Variants in SLC41A1 observed in about 807,000 individuals in gnomAD.
SLC41A1 encodes the protein solute carrier family 41 (magnesium transporter), member 1.
Under a neutral mutation model 47.3 loss-of-function variants are expected in SLC41A1, and 20 were observed. That is an observed-to-expected ratio of 0.42 (90% confidence interval 0.30 to 0.61). The LOEUF (loss-of-function observed/expected upper bound fraction) is 0.61, where lower values mean the gene tolerates loss of function less well. Ranked by LOEUF, SLC41A1 falls within the 20% of genes least tolerant of loss-of-function variation. SLC41A1 has a pLI of 0.17. For synonymous variants in SLC41A1, 282 were observed against 272.7 expected, an observed-to-expected ratio of 1.03 and a Z score of -0.34; for missense variants, 504 against 674.1, an observed-to-expected ratio of 0.75 and a Z score of 2.79.
chr1:205,810,591 C>T lies in SLC41A1; in HGVS notation c.-150G>A. 1 of 1,223,552 alleles carries T rather than the reference C, an allele frequency of 8.2e-7. No individual in the cohort carries two copies. The highest frequency in any genetic ancestry group is 2.0e-5 in the Admixed American group (1 of 49,778). 75.8% of individuals were successfully genotyped at this position (1,223,552 alleles called of 1,614,324 possible). ...CCCACGGCTCTCCACTCCTACCAGGCACTGCAAAAACTGATCCACCAACAG... is the reference window on the plus strand; with the variant it reads ...CCCACGGCTCTCCACTCCTACCAGGTACTGCAAAAACTGATCCACCAACAG... On this transcript the variant is annotated 5_prime_UTR_variant, in exon 2 of 11. Transcript: ENST00000367137. This position sits in a 1 kb window ranked among gnomAD's most constrained non-coding sequence, Gnocchi z 5.5.
rs140510407 is a variant in SLC41A1, at chr1:205,794,603, ACTACCACCC to A, written c.1356+258_1356+266del. Among the ~76,000 whole-genome samples the A allele has an allele frequency of 2.4e-3, 359 of 152,186 alleles. 1 individual carries two copies. Among genetic ancestry groups the A allele is most frequent in the African/African-American group, 8.1e-3 (337 of 41,516 alleles). ...GCATCCTACAACCACCTGCATGAAA[ACTACCACCC>A]CTGGTCCATTCCTCTCAATTTACAA... On this transcript the variant is annotated intron_variant, in intron 10 of 10. Coordinates refer to ENST00000367137, the MANE Select transcript of SLC41A1 (RefSeq NM_173854.6).
intron 3 of SLC41A1, among the ~76,000 whole-genome samples, chr1:205,800,678 G>A (rs1302868775): frequency 6.6e-6 from 1 of 152,206 alleles, no homozygotes; most frequent in African/African-American, 2.4e-5. Flanking sequence ...GTCACGAGGT[G>A]GTTGAGAGGT....
chr1:205,804,925 T>C (rs542867337), intron 2 of SLC41A1, among the ~76,000 whole-genome samples: 1 of 152,344 alleles, frequency 6.6e-6, no homozygotes, highest in Admixed American at 6.5e-5. Context: ...TTGTAATGAA[T>C]ATTGCTTGCT....
At chr1:205,798,202 C>A in intron 6 of SLC41A1, 151 bp from the exon 7 acceptor site, 1 of 1,252,466 alleles carries the variant, frequency 8.0e-7, no homozygotes, top group Non-Finnish European at 1.1e-6. Context: ...TCACTGGCAG[C>A]TCAGGAGGTA....
At chr1:205,812,058 C>T (rs578205087) in intron 1 of SLC41A1, among the ~76,000 whole-genome samples, 1 of 152,316 alleles carries the variant, frequency 6.6e-6, no homozygotes, top group East Asian at 1.9e-4. Flanking sequence ...TGCACTTGCT[C>T]CAAATGCATC....
chr1:205,803,839 T>A (rs1655948057), intron 2 of SLC41A1, among the ~76,000 whole-genome samples: 1 of 152,104 alleles, frequency 6.6e-6, no homozygotes, highest in South Asian at 2.1e-4. Context: ...CAGGCTGGTC[T>A]CGAACTCCTG....
At chr1:205,801,655 A>G (rs1399804079) in intron 2 of SLC41A1, among the ~76,000 whole-genome samples, 1 of 151,966 alleles carries the variant, frequency 6.6e-6, no homozygotes, top group Non-Finnish European at 1.5e-5. Context: ...GAGGCTTTTT[A>G]TTTCTCTGTG....
At chr1:205,802,117 A>T (rs1244429681) in intron 2 of SLC41A1, among the ~76,000 whole-genome samples, 1 of 152,158 alleles carries the variant, frequency 6.6e-6, no homozygotes, top group African/African-American at 2.4e-5. Context: ...TAAGAATGGA[A>T]AGCCTCCAGG....
At position 205,790,067 on chromosome 1, in the gene SLC41A1, G is replaced by A. The variant is rs1772159; in HGVS notation, c.*1466C>T. The A allele has an allele frequency of 0.27, 41,686 of 152,284 alleles. 7,687 individuals carry two copies. Among genetic ancestry groups the A allele is most frequent in the Non-Finnish European group, 0.4 (27,133 of 68,088 alleles). The allele number at this position is 152,284 out of a possible 1,614,324, so 9.4% of individuals were successfully genotyped here. ...TAAGGAGAGGTGGAGGGAAGGGAAT[G>A]TGAGGAAGGGTCGTTTAGGGAAATA... On this transcript the variant is annotated 3_prime_UTR_variant, in exon 11 of 11. Coordinates refer to ENST00000367137, the MANE Select transcript of SLC41A1 (RefSeq NM_173854.6).
chr1:205,810,283 A>G lies in SLC41A1; in HGVS notation c.159T>C (p.Ser53=). The part of the protein sequence containing the change: ...DGAGVEVVIE[S]RANAKGVREE... ...CCCGAACCCCCTTGGCGTTGGCCCGAGACTCAATCACCACCTCTACCCCAG... is the reference window on the plus strand; with the variant it reads ...CCCGAACCCCCTTGGCGTTGGCCCGGGACTCAATCACCACCTCTACCCCAG... Residue 53 remains serine (S), a synonymous_variant, in exon 2 of 11, where the codon TCT becomes TCC. Transcript: ENST00000367137. This position sits in a 1 kb window ranked among gnomAD's most constrained non-coding sequence, Gnocchi z 5.5. 1 of 1,614,114 alleles carries G rather than the reference A, an allele frequency of 6.2e-7. No homozygotes were observed. The highest frequency in any genetic ancestry group is 8.5e-7 in the Non-Finnish European group (1 of 1,180,018).
rs978764951 is a variant in SLC41A1, at chr1:205,810,827, G to A, written c.-386C>T. On this transcript the variant is annotated 5_prime_UTR_variant, in exon 2 of 11. Transcript: ENST00000367137. This position sits in a 1 kb window ranked among gnomAD's most constrained non-coding sequence, Gnocchi z 5.5. ...GAAGAGCTCAACCAAATTCTGGGGTGCCCTCTGAAGTGGCCCCTCTTCCGT... is the reference window on the plus strand; with the variant it reads ...GAAGAGCTCAACCAAATTCTGGGGTACCCTCTGAAGTGGCCCCTCTTCCGT... 3.1e-5 allele frequency: 8 copies of A among 258,258 alleles called. No individual in the cohort carries two copies. The highest frequency in any genetic ancestry group is 5.3e-5 in the Non-Finnish European group (7 of 131,692). 16.0% of individuals were successfully genotyped at this position (258,258 alleles called of 1,614,324 possible). A position where few individuals can be genotyped will look rare whatever the true frequency, so the allele number is the denominator to read the frequency against.
At position 205,810,641 on chromosome 1, in the gene SLC41A1, G is replaced by T. The variant is rs1015265888; in HGVS notation, c.-200C>A. On this transcript the variant is annotated 5_prime_UTR_variant, in exon 2 of 11. Coordinates refer to ENST00000367137, the MANE Select transcript of SLC41A1 (RefSeq NM_173854.6). The surrounding 1 kb of genome is among the most constrained non-coding windows in gnomAD (Gnocchi z 5.5). ...GGCAGCCCCATCAAGCACTGAAGCCGCAAGCTGGGAAGAAACAAGAAATTC... is the reference window on the plus strand; with the variant it reads ...GGCAGCCCCATCAAGCACTGAAGCCTCAAGCTGGGAAGAAACAAGAAATTC... 1 of 741,052 alleles carries T rather than the reference G, an allele frequency of 1.3e-6. No homozygotes were observed. The highest frequency in any genetic ancestry group is 2.2e-6 in the Non-Finnish European group (1 of 463,260). The allele number at this position is 741,052 out of a possible 1,614,324, so 45.9% of individuals were successfully genotyped here.
chr1:205,795,285 A>G (rs1317213731), intron 9 of SLC41A1, 59 bp downstream of exon 9: 1 of 1,612,808 alleles, frequency 6.2e-7, no homozygotes. Context: ...TCTTAAGTGA[A>G]GCTCACTGAC....
intron 1 of SLC41A1, 37 bp downstream of exon 1, chr1:205,812,771 C>G: frequency 1.0e-6 from 1 of 985,782 alleles, no homozygotes; most frequent in Non-Finnish European, 1.2e-6. Flanking sequence ...CCGCCCTCCA[C>G]CACCCCCTCC....
At position 205,796,779 on chromosome 1, in the gene SLC41A1, C is replaced by T. The variant is rs535203758; in HGVS notation, c.1072+145G>A. 7.8e-5 allele frequency: 62 copies of T among 793,368 alleles called. No homozygotes were observed. The South Asian group carries it at 8.6e-4, about 11-fold the overall frequency. The allele number at this position is 793,368 out of a possible 1,614,324, so 49.1% of individuals were successfully genotyped here. A position where few individuals can be genotyped will look rare whatever the true frequency, so the allele number is the denominator to read the frequency against. ...TCTGCTCCCACCTCTGTAAGCAGTCCCTTCATTAAGGTCTTGAACCATCTG... is the reference window on the plus strand; with the variant it reads ...TCTGCTCCCACCTCTGTAAGCAGTCTCTTCATTAAGGTCTTGAACCATCTG... On this transcript the variant is annotated intron_variant, in intron 8 of 10. Transcript: ENST00000367137.
rs1655573237 is a variant in SLC41A1, at chr1:205,789,667, A to T, written c.*1866T>A. 6.6e-6 allele frequency: 1 copy of T among 152,250 alleles called. No individual in the cohort carries two copies. Among genetic ancestry groups the T allele is most frequent in the South Asian group, 2.1e-4 (1 of 4,828 alleles). The allele number at this position is 152,250 out of a possible 1,614,324, so 9.4% of individuals were successfully genotyped here. ...CACAACTCCAACTAGAAAACCTCTA[A>T]AATTCCTTCCAATTCTACGGTTCTA... On this transcript the variant is annotated 3_prime_UTR_variant, in exon 11 of 11. Transcript: ENST00000367137.
chr1:205,799,136 G>C (rs903562081), intron 4 of SLC41A1, 35 bp from the exon 5 acceptor site: 3 of 1,611,064 alleles, frequency 1.9e-6, no homozygotes, highest in African/African-American at 1.3e-5. Context: ...AAAGCCCTGA[G>C]AGCAGTGGGC....
At chr1:205,794,010 A>T (rs981016083) in intron 10 of SLC41A1, among the ~76,000 whole-genome samples, 8 of 152,222 alleles carry the variant, frequency 5.3e-5, no homozygotes, top group African/African-American at 1.7e-4. Context: ...AAAATGTAAT[A>T]ATAAGGGTGG....
At chr1:205,794,167 T>C (rs1205418641) in intron 10 of SLC41A1, among the ~76,000 whole-genome samples, 4 of 152,022 alleles carry the variant, frequency 2.6e-5, no homozygotes, top group Non-Finnish European at 5.9e-5. Context: ...CACGAGTGCA[T>C]GTAAAACTGG....
Sources: allele counts gnomAD v4.1 joint callset (sites outside exome capture counted in the v4.1 genomes callset), GRCh38; gene constraint gnomAD v4.1.1; non-coding constraint Gnocchi (gnomAD v3.1); transcripts MANE v1.5; gene names NCBI Gene and HGNC (gene_info 2026-07-23, HGNC 2026-07-21).